Variants in ZCCHC7 observed in about 807,000 individuals in gnomAD.
The protein encoded by ZCCHC7 is zinc finger CCHC-type containing 7.
ZCCHC7 carries 35 observed loss-of-function variants against 52.0 expected under a neutral mutation model. That is an observed-to-expected ratio of 0.67 (90% CI 0.51 to 0.89). The LOEUF (loss-of-function observed/expected upper bound fraction) is 0.89, where lower values mean the gene tolerates loss of function less well. Among genes scored for constraint, ZCCHC7 ranks in the 40% least tolerant of loss-of-function variants. ZCCHC7 has a pLI of 0.00. For missense variants in ZCCHC7, 574 were observed against 649.1 expected (o/e 0.88, Z 1.26); for synonymous variants, 217 against 221.5 (o/e 0.98, Z 0.18).
At chr9:37,221,990 A>G (rs564289061) in intron 2 of ZCCHC7, among the ~76,000 whole-genome samples, 1 of 152,284 alleles carries the variant, frequency 6.6e-6, no homozygotes, top group African/African-American at 2.4e-5. Flanking sequence ...AATAAACTTA[A>G]CAGGAAATGT....
At chr9:37,336,332 G>A (rs2118365059) in intron 6 of ZCCHC7, among the ~76,000 whole-genome samples, 1 of 152,226 alleles carries the variant, frequency 6.6e-6, no homozygotes, top group African/African-American at 2.4e-5. Context: ...CCTATTTCAT[G>A]TTTGTTCCTT....
chr9:37,121,154 C>T (rs1347956232), intron 1 of ZCCHC7, among the ~76,000 whole-genome samples: 3 of 152,162 alleles, frequency 2.0e-5, no homozygotes, highest in African/African-American at 4.8e-5. Flanking sequence ...CCCTTTATCC[C>T]TCCCATCCTG....
Position 37,176,186 on chromosome 9 carries a change from GC to G in ZCCHC7, c.610+49246del, listed in dbSNP as rs1822018413. 4.6e-5 allele frequency among the ~76,000 whole-genome samples: 7 copies of G among 152,076 alleles called. No individual in the cohort carries two copies. In the South Asian group the frequency reaches 1.2e-3, roughly 27 times the overall value. ...CCTCCTGGGTTCATGCCATTCTCCT[GC>G]CTCAGCCTCAAGGAGTAGCTGGGAC... On this transcript the variant is annotated intron_variant, in intron 2 of 8. Transcript: ENST00000336755.
At chr9:37,343,713 T>C (rs1316446410) in intron 6 of ZCCHC7, among the ~76,000 whole-genome samples, 1 of 152,224 alleles carries the variant, frequency 6.6e-6, no homozygotes, top group East Asian at 1.9e-4. Context: ...TTCCACTCTC[T>C]GTTGAAGTCC....
chr9:37,248,057 T>C (rs541998592), intron 2 of ZCCHC7, among the ~76,000 whole-genome samples: 326 of 152,276 alleles, frequency 2.1e-3, no homozygotes, highest in African/African-American at 7.6e-3. Flanking sequence ...AAAAAAGTTG[T>C]TTTTCAACTC....
chr9:37,248,374 A>G (rs949158359), intron 2 of ZCCHC7, among the ~76,000 whole-genome samples: 6 of 152,232 alleles, frequency 3.9e-5, no homozygotes, highest in Non-Finnish European at 7.3e-5. Context: ...TGGTAAATTA[A>G]AATGATGTTA....
At chr9:37,213,468 TGTTA>T (rs1490206696) in intron 2 of ZCCHC7, among the ~76,000 whole-genome samples, 1 of 152,142 alleles carries the variant, frequency 6.6e-6, no homozygotes, top group Non-Finnish European at 1.5e-5. Flanking sequence ...ACAGAACCCT[TGTTA>T]GTTGCTTTAT....
chr9:37,178,840 A>G (rs1822197456), intron 2 of ZCCHC7, among the ~76,000 whole-genome samples: 2 of 152,226 alleles, frequency 1.3e-5, no homozygotes, highest in African/African-American at 4.8e-5. Flanking sequence ...GGTGACTAAA[A>G]TAGGTAAGCT....
intron 2 of ZCCHC7, among the ~76,000 whole-genome samples, chr9:37,288,314 AGATAGATAGATAGATTTTTT>A (rs1828359998): frequency 1.4e-5 from 2 of 142,586 alleles, no homozygotes; most frequent in African/African-American, 5.0e-5. Context: ...CTATCTATAT[AGATAGATAGATAGATTTTTT>A]TATAGGTAGA....
intron 2 of ZCCHC7, among the ~76,000 whole-genome samples, chr9:37,248,730 A>T (rs148450511): frequency 6.6e-6 from 1 of 152,318 alleles, no homozygotes; most frequent in African/African-American, 2.4e-5. Flanking sequence ...AAAACTTATT[A>T]TGAGTGCTAG....
chr9:37,274,500 C>T (rs187783079), intron 2 of ZCCHC7, among the ~76,000 whole-genome samples: 4 of 151,728 alleles, frequency 2.6e-5, no homozygotes, highest in South Asian at 2.1e-4. Flanking sequence ...CCACCATGCC[C>T]GGCTAATTTT....
chr9:37,155,013 T>C (rs954929368), intron 2 of ZCCHC7, among the ~76,000 whole-genome samples: 2 of 152,222 alleles, frequency 1.3e-5, no homozygotes, highest in African/African-American at 4.8e-5. Context: ...TTGCATTTAA[T>C]ATTCTGTTTC....
At chr9:37,341,440 A>C (rs1015724283) in intron 6 of ZCCHC7, among the ~76,000 whole-genome samples, 1 of 152,166 alleles carries the variant, frequency 6.6e-6, no homozygotes. Context: ...AACTACTACT[A>C]TATGCCTGGC....
At chr9:37,206,419 G>A (rs749071524) in intron 2 of ZCCHC7, among the ~76,000 whole-genome samples, 3 of 151,634 alleles carry the variant, frequency 2.0e-5, no homozygotes, top group Non-Finnish European at 4.4e-5. Context: ...GTGTGGTGGC[G>A]CGATCTTGGC....
chr9:37,265,810 G>T (rs1170215243), intron 2 of ZCCHC7, among the ~76,000 whole-genome samples: 3 of 151,994 alleles, frequency 2.0e-5, no homozygotes, highest in East Asian at 3.9e-4. Context: ...GCCTAGAATT[G>T]ACACCCCTCA....
chr9:37,353,440 A>G (rs1564274839), intron 7 of ZCCHC7, among the ~76,000 whole-genome samples: 1 of 152,248 alleles, frequency 6.6e-6, no homozygotes, highest in East Asian at 1.9e-4. Flanking sequence ...AACTTACATC[A>G]CTGTTCATTG....
intron 4 of ZCCHC7, 99 bp downstream of exon 4, chr9:37,304,412 G>C: frequency 1.4e-6 from 2 of 1,400,352 alleles, no homozygotes; most frequent in Non-Finnish European, 1.9e-6. Context: ...CCAGCACTTT[G>C]GGAAGCCGAG....
At chr9:37,217,399 A>C (rs1455119798) in intron 2 of ZCCHC7, among the ~76,000 whole-genome samples, 1 of 152,138 alleles carries the variant, frequency 6.6e-6, no homozygotes, top group Non-Finnish European at 1.5e-5. Context: ...AGTCATGTAA[A>C]AATTATAAAA....
At chr9:37,249,349 A>G (rs1826209957) in intron 2 of ZCCHC7, among the ~76,000 whole-genome samples, 1 of 150,936 alleles carries the variant, frequency 6.6e-6, no homozygotes. Flanking sequence ...CATAGTTTTT[A>G]CCTCGTTCTC....
Sources: allele counts gnomAD v4.1 joint callset (sites outside exome capture counted in the v4.1 genomes callset), GRCh38; gene constraint gnomAD v4.1.1; transcripts MANE v1.5; gene names NCBI Gene and HGNC (gene_info 2026-07-23, HGNC 2026-07-21).